CPEB3: variants seen among roughly 807,000 people sequenced by gnomAD.
CPEB3 encodes the protein cytoplasmic polyadenylation element binding protein 3, also known as cytoplasmic polyadenylation element-binding protein 3.
In CPEB3, 20 loss-of-function variants were observed where a neutral mutation model predicts 67.2. That is an observed-to-expected ratio of 0.30 (90% CI 0.21 to 0.43). The LOEUF is 0.43. CPEB3 is among the 20% of genes least tolerant of loss of function. The pLI is 1.00. For synonymous variants in CPEB3, 376 were observed against 393.1 expected, an observed-to-expected ratio of 0.96 and a Z score of 0.51; for missense variants, 746 against 968.6, an observed-to-expected ratio of 0.77 and a Z score of 3.05.
chr10:92,119,036 A>G, intron 6 of CPEB3: 5 of 1,560,518 alleles, frequency 3.2e-6, no homozygotes, highest in Non-Finnish European at 8.8e-7. Flanking sequence ...CATGTATCAT[A>G]CCTGGAATGG....
intron 6 of CPEB3, among the ~76,000 whole-genome samples, chr10:92,117,175 C>G (rs1304703961): frequency 6.6e-6 from 1 of 151,514 alleles, no homozygotes; most frequent in Non-Finnish European, 1.5e-5. Flanking sequence ...AGGTGCCCGC[C>G]ACCATACCTG....
At chr10:92,253,395 G>C (rs1852380603) in intron 1 of CPEB3, among the ~76,000 whole-genome samples, 1 of 147,728 alleles carries the variant, frequency 6.8e-6, no homozygotes, top group Non-Finnish European at 1.5e-5. Flanking sequence ...GAGAGGTGGA[G>C]GTTGCAGTGA....
intron 6 of CPEB3, among the ~76,000 whole-genome samples, chr10:92,140,071 CAA>C (rs113444635): frequency 0.46 from 52,996 of 114,182 alleles, 10,090 homozygotes; most frequent in African/African-American, 0.58. Context: ...GACTCTGTCT[CAA>C]AAAAAAAAAA....
intron 3 of CPEB3, among the ~76,000 whole-genome samples, chr10:92,190,154 T>C (rs2134158303): frequency 6.6e-6 from 1 of 152,180 alleles, no homozygotes; most frequent in South Asian, 2.1e-4. Context: ...GGCAGGTGCC[T>C]GTAATCCCAG....
At chr10:92,231,989 G>A (rs1171865863) in intron 2 of CPEB3, among the ~76,000 whole-genome samples, 2 of 151,068 alleles carry the variant, frequency 1.3e-5, no homozygotes, top group African/African-American at 4.9e-5. Flanking sequence ...CAAAGTGCTG[G>A]AATTATAGGT....
At position 92,120,523 on chromosome 10, in the gene CPEB3, G is replaced by A. The variant is rs980648703; in HGVS notation, c.1454-9329C>T. Among the ~76,000 whole-genome samples the A allele has an allele frequency of 4.6e-5, 7 of 152,168 alleles. No individual in the cohort carries two copies. The East Asian group carries it at 1.4e-3, about 30-fold the overall frequency. On this transcript the variant is annotated intron_variant, in intron 6 of 9. Coordinates refer to ENST00000265997, the MANE Select transcript of CPEB3 (RefSeq NM_014912.5). The stretch of plus-strand genomic sequence containing the variant: ...GGCCAGAACCCAGGAGGCGGAGCTT[G>A]CAGTGAGCCGAGACTGCACCACTGC...
At chr10:92,195,190 T>G (rs1260413903) in intron 2 of CPEB3, among the ~76,000 whole-genome samples, 1 of 152,012 alleles carries the variant, frequency 6.6e-6, no homozygotes, top group East Asian at 1.9e-4. Flanking sequence ...CAAACTACAG[T>G]GATGAGAGAT....
chr10:92,264,327 C>CAA (rs1216678647), intron 1 of CPEB3, among the ~76,000 whole-genome samples: 24 of 86,684 alleles, frequency 2.8e-4, no homozygotes, highest in African/African-American at 1.0e-3. Context: ...GACTCCATCT[C>CAA]AAAAAAAAAA....
chr10:92,289,732 A>AAAAAAATAAAT lies in CPEB3; in HGVS notation c.-12+1193_-12+1194insATTTATTTTTT. 6.6e-5 allele frequency among the ~76,000 whole-genome samples: 5 copies of AAAAAAATAAAT among 75,772 alleles called. 1 individual carries two copies. Among genetic ancestry groups the AAAAAAATAAAT allele is most frequent in the Non-Finnish European group, 1.3e-4 (5 of 39,096 alleles). The allele number at this position is 75,772 out of a possible 152,430, so 49.7% of individuals were successfully genotyped here. On this transcript the variant is annotated intron_variant, in intron 1 of 9. Transcript: ENST00000265997. Reference sequence around the variant, plus strand: ...CGCGTCTCTACCAAAAAAAAAAAAAAATATATATATATATATATATATATA... The same window carrying AAAAAAATAAAT: ...CGCGTCTCTACCAAAAAAAAAAAAAAAAAAAATAAATATATATATATATATATATATATATA...
intron 1 of CPEB3, among the ~76,000 whole-genome samples, chr10:92,269,580 T>C (rs970547368): frequency 1.3e-5 from 2 of 152,080 alleles, no homozygotes; most frequent in African/African-American, 4.8e-5. Context: ...TTGTTTGTGA[T>C]GGAGTCTCGT....
At chr10:92,074,209 G>A (rs1842859595) in intron 9 of CPEB3, among the ~76,000 whole-genome samples, 1 of 152,084 alleles carries the variant, frequency 6.6e-6, no homozygotes, top group African/African-American at 2.4e-5. Flanking sequence ...GCCTTCCAAA[G>A]TTCTGGGATT....
At chr10:92,187,368 G>T (rs1264285290) in intron 3 of CPEB3, among the ~76,000 whole-genome samples, 8 of 152,206 alleles carry the variant, frequency 5.3e-5, no homozygotes, top group Admixed American at 5.2e-4. Flanking sequence ...CATGAATGGT[G>T]AGGGAAGAGA....
chr10:92,235,381 G>A (rs550990703), intron 2 of CPEB3, among the ~76,000 whole-genome samples: 2 of 152,168 alleles, frequency 1.3e-5, no homozygotes, highest in African/African-American at 2.4e-5. Flanking sequence ...GGGAGGTGGA[G>A]GCTGCAGTGA....
chr10:92,110,397 T>C (rs1032308356), intron 7 of CPEB3, among the ~76,000 whole-genome samples: 2 of 152,210 alleles, frequency 1.3e-5, no homozygotes, highest in Non-Finnish European at 2.9e-5. Flanking sequence ...ATAAATGAAG[T>C]TCGTTTATTC....
At chr10:92,126,645 T>A (rs1845619996) in intron 6 of CPEB3, among the ~76,000 whole-genome samples, 1 of 152,234 alleles carries the variant, frequency 6.6e-6, no homozygotes, top group Admixed American at 6.5e-5. Context: ...GCCTTGTAAA[T>A]AACAGCATTA....
intron 2 of CPEB3, among the ~76,000 whole-genome samples, chr10:92,231,147 T>C (rs1293498368): frequency 1.3e-5 from 2 of 152,142 alleles, no homozygotes; most frequent in South Asian, 2.1e-4. Context: ...ATCTCCACCA[T>C]TAGTGTGACA....
intron 9 of CPEB3, among the ~76,000 whole-genome samples, chr10:92,059,834 G>C (rs977753178): frequency 6.6e-6 from 1 of 151,746 alleles, no homozygotes; most frequent in South Asian, 2.1e-4. Flanking sequence ...GCATGCGCCT[G>C]TACTCCCAGC....
chr10:92,195,649 G>A (rs1385008846), intron 2 of CPEB3, among the ~76,000 whole-genome samples: 2 of 152,188 alleles, frequency 1.3e-5, no homozygotes, highest in Non-Finnish European at 2.9e-5. Flanking sequence ...ACATGAGAGT[G>A]TTTCAGAATA....
At chr10:92,182,391 A>G (rs1469717770) in intron 3 of CPEB3, among the ~76,000 whole-genome samples, 1 of 152,240 alleles carries the variant, frequency 6.6e-6, no homozygotes, top group African/African-American at 2.4e-5. Context: ...GCATCACAGT[A>G]GACAAAGCAG....
Sources: gnomAD v4.1 joint callset for allele counts (sites outside exome capture counted in the v4.1 genomes callset) on GRCh38, gnomAD v4.1.1 for gene constraint, MANE v1.5 for transcripts, NCBI Gene and HGNC (gene_info 2026-07-23, HGNC 2026-07-21) for gene names.